The following EMC7 variants were observed in gnomAD, a reference collection of about 807,000 sequenced individuals.
EMC7 encodes endoplasmic reticulum membrane protein complex subunit 7.
EMC7 carries 4 observed loss-of-function variants against 24.4 expected under a neutral mutation model. The ratio of observed to expected loss-of-function variants is 0.16; its 90% CI spans 0.08 to 0.38. The LOEUF (loss-of-function observed/expected upper bound fraction) is 0.38, where lower values mean the gene tolerates loss of function less well. EMC7 is among the 10% of genes least tolerant of loss of function. The pLI is 1.00. For synonymous variants in EMC7, 106 were observed against 112.0 expected (o/e 0.95, Z 0.34); for missense variants, 221 against 300.6 (o/e 0.74, Z 1.96).
intron 2 of EMC7, among the ~76,000 whole-genome samples, chr15:34,092,261 T>TCACACACA (rs375005510): frequency 0.038 from 5,382 of 141,582 alleles, 137 homozygotes; most frequent in East Asian, 0.064. Context: ...TGAGACTCCG[T>TCACACACA]CACACACACA....
At chr15:34,100,160 G>A (rs1184601255) in intron 1 of EMC7, among the ~76,000 whole-genome samples, 2 of 152,178 alleles carry the variant, frequency 1.3e-5, no homozygotes, top group African/African-American at 4.8e-5. Flanking sequence ...GGGCAACATA[G>A]CAAGACCCTG....
rs563562207 is a variant in EMC7 at position 34,098,160 on chromosome 15, A to C, written c.237-2146T>G. ...TGAGCTTAGTCTATTTTCCCCCCAG[A>C]CCTCTCACTGACAGGCCACCTCTGA... On this transcript the variant is annotated intron_variant, in intron 1 of 4. Coordinates refer to ENST00000256545, the MANE Select transcript of EMC7 (RefSeq NM_020154.3). Among the ~76,000 whole-genome samples, 1,381 of 151,958 alleles carry C rather than the reference A, an allele frequency of 9.1e-3. 7 individuals are homozygous for C. The highest frequency in any genetic ancestry group is 0.014 in the Non-Finnish European group (971 of 67,972).
chr15:34,089,213 C>T (rs1482042086), intron 3 of EMC7, among the ~76,000 whole-genome samples: 2 of 152,018 alleles, frequency 1.3e-5, no homozygotes, highest in African/African-American at 2.4e-5. Context: ...AAGAAAAGGT[C>T]GATTTGTTTC....
rs201960302 is a variant in EMC7 at position 34,084,326 on chromosome 15, C to G, written c.*8G>C. 3 of 1,611,068 alleles carry G rather than the reference C, an allele frequency of 1.9e-6. No homozygotes were observed. The highest frequency in any genetic ancestry group is 2.2e-5 in the East Asian group (1 of 44,782). On this transcript the variant is annotated 3_prime_UTR_variant, in exon 5 of 5. Transcript: ENST00000256545. ...TGTTTGTGCAAATGCCAGCTCTGGA[C>G]GGCCTGACTACCTCCTTTTGCCAGC...
chr15:34,084,540 C>T, intron 4 of EMC7, 54 bp from the exon 5 acceptor site: 4 of 1,561,048 alleles, frequency 2.6e-6, no homozygotes, highest in Non-Finnish European at 2.6e-6. Flanking sequence ...CTTTTAACTC[C>T]TAACACTTCC....
chr15:34,092,932 T>C (rs1398182157), intron 2 of EMC7, among the ~76,000 whole-genome samples: 2 of 152,188 alleles, frequency 1.3e-5, no homozygotes, highest in East Asian at 1.9e-4. Context: ...CAACATAGCC[T>C]AGCTTAGCCT....
At chr15:34,093,291 G>A (rs1901007133) in intron 2 of EMC7, among the ~76,000 whole-genome samples, 1 of 152,056 alleles carries the variant, frequency 6.6e-6, no homozygotes, top group African/African-American at 2.4e-5. Flanking sequence ...TGCAAAATTA[G>A]TTGGGAGTGG....
intron 4 of EMC7, among the ~76,000 whole-genome samples, chr15:34,087,825 C>T (rs570729874): frequency 1.3e-5 from 2 of 152,252 alleles, no homozygotes; most frequent in African/African-American, 2.4e-5. Context: ...TACCCAGCTA[C>T]GATGGGACAG....
intron 2 of EMC7, among the ~76,000 whole-genome samples, chr15:34,095,205 G>A (rs1392658276): frequency 6.6e-6 from 1 of 152,288 alleles, no homozygotes. Flanking sequence ...TTACCACTTA[G>A]GAGTTGCTTC....
At chr15:34,090,840 T>G (rs1900964885) in intron 2 of EMC7, among the ~76,000 whole-genome samples, 1 of 152,246 alleles carries the variant, frequency 6.6e-6, no homozygotes, top group Non-Finnish European at 1.5e-5. Flanking sequence ...ATACTGGATT[T>G]TATTTTTTTG....
At chr15:34,100,724 T>C (rs2140873159) in intron 1 of EMC7, 1 of 152,334 alleles carries the variant, frequency 6.6e-6, no homozygotes, top group East Asian at 1.9e-4. Flanking sequence ...TCAGATACCA[T>C]TTGCTGGTGT....
At chr15:34,093,823 A>ATATATATATATATT (rs1190830993) in intron 2 of EMC7, among the ~76,000 whole-genome samples, 1 of 48,706 alleles carries the variant, frequency 2.1e-5, no homozygotes, top group Non-Finnish European at 3.3e-5. Flanking sequence ...ATATATATAT[A>ATATATATATATATT]TTTTTTTTTT....
At chr15:34,097,786 C>T (rs964709246) in intron 1 of EMC7, among the ~76,000 whole-genome samples, 12 of 151,928 alleles carry the variant, frequency 7.9e-5, no homozygotes, top group Non-Finnish European at 2.9e-5. Flanking sequence ...CTGACTAATA[C>T]GGTGAAACCC....
At chr15:34,090,930 CTGCAGCAG>C (rs1399766980) in intron 2 of EMC7, among the ~76,000 whole-genome samples, 1 of 152,184 alleles carries the variant, frequency 6.6e-6, no homozygotes, top group Non-Finnish European at 1.5e-5. Context: ...CAAGAAAGCA[CTGCAGCAG>C]TGCTATAGGT....
In EMC7 at chr15:34,084,190, T is replaced by C; in HGVS notation, c.*144A>G. On this transcript the variant is annotated 3_prime_UTR_variant, in exon 5 of 5. Coordinates refer to ENST00000256545, the MANE Select transcript of EMC7 (RefSeq NM_020154.3). ...TCTCGTGTACCAAGTACAAAACATG[T>C]GCTAAAAAGTTAACATACACAGTTG... 4.9e-6 allele frequency: 5 copies of C among 1,010,364 alleles called. No individual in the cohort carries two copies. Among genetic ancestry groups the C allele is most frequent in the Non-Finnish European group, 7.0e-6 (5 of 710,582 alleles). The allele number at this position is 1,010,364 out of a possible 1,614,324, so 62.6% of individuals were successfully genotyped here. A position where few individuals can be genotyped will look rare whatever the true frequency, so the allele number is the denominator to read the frequency against.
rs115638662 is a variant in EMC7 at position 34,095,393 on chromosome 15, T to C, written c.356+502A>G. On this transcript the variant is annotated intron_variant, in intron 2 of 4. Transcript: ENST00000256545. ...CACACTCACAGTCTAAATTAGACTA[T>C]AGTTCTTTTCACCTCAATTGTTTTC... Among the ~76,000 whole-genome samples the C allele has an allele frequency of 2.4e-3, 365 of 152,334 alleles. 3 individuals are homozygous for C. Among genetic ancestry groups the C allele is most frequent in the African/African-American group, 8.3e-3 (347 of 41,580 alleles).
intron 1 of EMC7, among the ~76,000 whole-genome samples, 157 bp downstream of exon 1, chr15:34,101,447 G>T (rs1901171934): frequency 6.6e-6 from 1 of 152,084 alleles, no homozygotes; most frequent in Non-Finnish European, 1.5e-5. Flanking sequence ...GAAAGCATCC[G>T]ACTGCCTCCC....
At chr15:34,088,893 T>C (rs1841173526) in intron 3 of EMC7, among the ~76,000 whole-genome samples, 2 of 152,176 alleles carry the variant, frequency 1.3e-5, no homozygotes, top group Non-Finnish European at 2.9e-5. Context: ...TCTCGCTCTG[T>C]TCCCCGGGCT....
intron 1 of EMC7, 115 bp downstream of exon 1, chr15:34,101,489 C>G (rs1901172531): frequency 1.8e-6 from 2 of 1,106,662 alleles, no homozygotes; most frequent in Non-Finnish European, 2.6e-6. Flanking sequence ...TTAGCGGCAC[C>G]CTCCCCTTCA....
Sources: gnomAD v4.1 joint callset for allele counts (sites outside exome capture counted in the v4.1 genomes callset) on GRCh38, gnomAD v4.1.1 for gene constraint, MANE v1.5 for transcripts, NCBI Gene and HGNC (gene_info 2026-07-23, HGNC 2026-07-21) for gene names.